The following SLC5A11 variants were observed in gnomAD, a reference collection of about 807,000 sequenced individuals.
SLC5A11 encodes sodium/myo-inositol cotransporter 2.
SLC5A11 carries 48 observed loss-of-function variants against 69.8 expected under a neutral mutation model. The observed-to-expected ratio is 0.69, with a 90% CI of 0.55 to 0.87. The LOEUF (loss-of-function observed/expected upper bound fraction) is 0.87, where lower values mean the gene tolerates loss of function less well. SLC5A11 is among the 40% of genes least tolerant of loss of function. The probability of loss-of-function intolerance (pLI) is 0.00; values close to 1 mark genes in which losing one functional copy is unlikely to be tolerated. For synonymous variants in SLC5A11, 319 were observed against 342.4 expected, an observed-to-expected ratio of 0.93 and a Z score of 0.75; for missense variants, 784 against 866.1, an observed-to-expected ratio of 0.91 and a Z score of 1.19.
At chr16:24,866,933 A>G (rs2046957015) in intron 3 of SLC5A11, among the ~76,000 whole-genome samples, 1 of 152,184 alleles carries the variant, frequency 6.6e-6, no homozygotes, top group African/African-American at 2.4e-5. Flanking sequence ...AACACTAATA[A>G]TTGGTGACTT....
intron 8 of SLC5A11, among the ~76,000 whole-genome samples, chr16:24,889,999 A>G (rs7197445): frequency 0.013 from 1,914 of 152,262 alleles, 47 homozygotes; most frequent in African/African-American, 0.044. Flanking sequence ...AGCGAAGGGA[A>G]GACTGGAAAT....
chr16:24,905,570 C>G (rs532934596), intron 10 of SLC5A11, among the ~76,000 whole-genome samples: 1 of 151,840 alleles, frequency 6.6e-6, no homozygotes, highest in Non-Finnish European at 1.5e-5. Flanking sequence ...TGCAGTGAGC[C>G]AAGATGGCAC....
chr16:24,866,475 A>G (rs1463495162), intron 3 of SLC5A11, among the ~76,000 whole-genome samples: 1 of 151,780 alleles, frequency 6.6e-6, no homozygotes, highest in East Asian at 1.9e-4. Context: ...CTACTCAGGG[A>G]AGCTGAGATG....
chr16:24,911,600 AAAT>A, exon 16 of SLC5A11: 12 of 1,498,258 alleles, frequency 8.0e-6, no homozygotes, highest in Non-Finnish European at 1.0e-5. Flanking sequence ...ATGAAAGAAA[AAAT>A]AATAAAGCTT....
At chr16:24,870,434 CAAAAAAAAA>C (rs1442241256) in intron 4 of SLC5A11, among the ~76,000 whole-genome samples, 8 of 137,590 alleles carry the variant, frequency 5.8e-5, no homozygotes, top group African/African-American at 1.4e-4. Flanking sequence ...ACAAAAAAAA[CAAAAAAAAA>C]CACACACACA....
chr16:24,849,593 A>AAAATATATATATATATAT, intron 1 of SLC5A11, among the ~76,000 whole-genome samples: 1 of 35,920 alleles, frequency 2.8e-5, no homozygotes, highest in Non-Finnish European at 5.6e-5. Flanking sequence ...AAAAAAAAAA[A>AAAATATATATATATATAT]ATATATATAT....
exon 15 of SLC5A11, chr16:24,910,344 G>A (rs1287333713): frequency 4.3e-6 from 7 of 1,613,966 alleles, no homozygotes; most frequent in Admixed American, 3.3e-5. Context: ...ACGACCCCGT[G>A]GTCCAGAAGG....
At chr16:24,882,555 G>A (rs577109193) in intron 7 of SLC5A11, among the ~76,000 whole-genome samples, 2 of 152,190 alleles carry the variant, frequency 1.3e-5, no homozygotes, top group Non-Finnish European at 2.9e-5. Flanking sequence ...AGGGAAGGAG[G>A]AAGAACAGAG....
intron 10 of SLC5A11, among the ~76,000 whole-genome samples, chr16:24,904,696 T>A (rs544780745): frequency 6.6e-6 from 1 of 152,314 alleles, no homozygotes; most frequent in Admixed American, 6.5e-5. Flanking sequence ...TGCCTAAAAG[T>A]ATTTTCTGAT....
intron 7 of SLC5A11, among the ~76,000 whole-genome samples, chr16:24,881,963 A>G (rs1567633594): frequency 6.6e-6 from 1 of 152,234 alleles, no homozygotes; most frequent in African/African-American, 2.4e-5. Flanking sequence ...CAGAAAATTG[A>G]CAAAATCTAA....
Position 24,860,102 on chromosome 16 carries a change from G to A in SLC5A11, c.135+1324G>A, listed in dbSNP as rs868765496. Reference sequence around the variant, plus strand: ...GGAGTTTGAGACGAGCCTGGCCAATGTGGTGAAACCCCATCACTATTAAAA... The same window carrying A: ...GGAGTTTGAGACGAGCCTGGCCAATATGGTGAAACCCCATCACTATTAAAA... On this transcript the variant is annotated intron_variant, in intron 2 of 15. Transcript: ENST00000347898. Among the ~76,000 whole-genome samples, 9 of 152,274 alleles carry A rather than the reference G, an allele frequency of 5.9e-5. 1 individual carries two copies. Among genetic ancestry groups the A allele is most frequent in the Admixed American group, 1.3e-4 (2 of 15,286 alleles).
At chr16:24,852,843 T>A (rs1415283864) in intron 1 of SLC5A11, among the ~76,000 whole-genome samples, 3 of 55,304 alleles carry the variant, frequency 5.4e-5, no homozygotes, top group Non-Finnish European at 9.9e-5. Context: ...ACATAGCTGA[T>A]GCCTAATAAA....
chr16:24,859,323 A>G (rs1412835843), intron 2 of SLC5A11: 1 of 152,062 alleles, frequency 6.6e-6, no homozygotes, highest in African/African-American at 2.4e-5. Context: ...TTTTTTTTGT[A>G]GAAATGGGAT....
At chr16:24,884,814 C>G (rs535334818) in intron 8 of SLC5A11, among the ~76,000 whole-genome samples, 19 of 152,188 alleles carry the variant, frequency 1.2e-4, no homozygotes, top group Non-Finnish European at 2.5e-4. Context: ...AGTCTTGGCT[C>G]ACTGCAACCT....
chr16:24,873,610 C>T (rs1195862565), intron 5 of SLC5A11, among the ~76,000 whole-genome samples: 1 of 151,834 alleles, frequency 6.6e-6, no homozygotes, highest in Non-Finnish European at 1.5e-5. Context: ...CTGCAGTGAG[C>T]TATGATTGTA....
chr16:24,910,730 T>C lies in SLC5A11; in HGVS notation c.1822+253T>C, dbSNP rs1299664853. ...GAGTGCCTACGGAGACACGGTTGGT[T>C]CATTTCATCCTTATTCTCTGCACAT... On this transcript the variant is annotated intron_variant, in intron 15 of 15. Coordinates refer to ENST00000347898, the Ensembl canonical transcript of SLC5A11. 2.6e-5 allele frequency among the ~76,000 whole-genome samples: 4 copies of C among 152,298 alleles called. No homozygotes were observed. In the South Asian group the frequency reaches 8.3e-4, roughly 32 times the overall value.
At chr16:24,862,931 TA>T in intron 3 of SLC5A11, among the ~76,000 whole-genome samples, 3 of 141,678 alleles carry the variant, frequency 2.1e-5, no homozygotes, top group Non-Finnish European at 4.5e-5. Context: ...TATAAATATA[TA>T]TTATATAAAA....
chr16:24,899,492 C>T (rs576631278), intron 10 of SLC5A11, among the ~76,000 whole-genome samples: 7 of 151,962 alleles, frequency 4.6e-5, no homozygotes, highest in Non-Finnish European at 8.8e-5. Flanking sequence ...CAACCTCTGC[C>T]TCTTGGGTTC....
intron 9 of SLC5A11, among the ~76,000 whole-genome samples, chr16:24,891,451 A>T (rs1366366009): frequency 6.6e-6 from 1 of 151,630 alleles, no homozygotes. Flanking sequence ...AGTAGCTGGG[A>T]CTACAGGCAC....
Sources: gnomAD v4.1 joint callset for allele counts (sites outside exome capture counted in the v4.1 genomes callset) on GRCh38, gnomAD v4.1.1 for gene constraint, MANE v1.5 for transcripts, NCBI Gene and HGNC (gene_info 2026-07-23, HGNC 2026-07-21) for gene names.